The following SORCS2 variants were observed in gnomAD, a reference collection of about 807,000 sequenced individuals.
SORCS2 encodes sortilin related VPS10 domain containing receptor 2, also known as VPS10 domain-containing receptor SorCS2.
Under a neutral mutation model 141.6 loss-of-function variants are expected in SORCS2, and 100 were observed. The observed-to-expected ratio is 0.71, with a 90% CI of 0.60 to 0.83. The LOEUF (loss-of-function observed/expected upper bound fraction) is 0.83. Ranked by LOEUF, SORCS2 falls within the 40% of genes least tolerant of loss-of-function variation. The pLI is 0.00. For synonymous variants in SORCS2, 789 were observed against 676.9 expected (o/e 1.17, Z -2.57); for missense variants, 1,646 against 1,560.2 (o/e 1.05, Z -0.93).
chr4:7,332,511 G>A (rs568156384), intron 1 of SORCS2, among the ~76,000 whole-genome samples: 1 of 152,324 alleles, frequency 6.6e-6, no homozygotes, highest in South Asian at 2.1e-4. Flanking sequence ...CCGACCCACT[G>A]TGACCCCCGA....
At chr4:7,562,372 A>C (rs756484986) in intron 3 of SORCS2, among the ~76,000 whole-genome samples, 88 of 152,040 alleles carry the variant, frequency 5.8e-4, no homozygotes, top group Non-Finnish European at 1.0e-3. Flanking sequence ...GCATGGCAAG[A>C]GTGGTGGCTA....
chr4:7,390,995 T>C (rs1361841106), intron 1 of SORCS2, among the ~76,000 whole-genome samples: 1 of 152,054 alleles, frequency 6.6e-6, no homozygotes, highest in Non-Finnish European at 1.5e-5. Context: ...GCCTTGGGCG[T>C]CTATGTTCTG....
rs73080578 is a variant in SORCS2 at position 7,739,857 on chromosome 4, C to T, written c.3416-343C>T. The stretch of plus-strand genomic sequence containing the variant: ...ACTCTACGCCCTGCAGCGCCCACTG[C>T]CAGGAGGGGGCGGAGCCTCAGCCCC... On this transcript the variant is annotated intron_variant, in intron 26 of 26. Transcript: ENST00000507866. Among the ~76,000 whole-genome samples, 420 of 152,308 alleles carry T rather than the reference C, an allele frequency of 2.8e-3. 3 individuals carry two copies. Among genetic ancestry groups the T allele is most frequent in the African/African-American group, 9.7e-3 (405 of 41,566 alleles).
At chr4:7,228,201 C>G (rs1160254736) in intron 1 of SORCS2, among the ~76,000 whole-genome samples, 1 of 152,206 alleles carries the variant, frequency 6.6e-6, no homozygotes, top group Non-Finnish European at 1.5e-5. Context: ...CCGGCATCCT[C>G]GTATGTGCCT....
chr4:7,455,896 G>A (rs531290365), intron 2 of SORCS2, among the ~76,000 whole-genome samples: 103 of 152,314 alleles, frequency 6.8e-4, no homozygotes, highest in African/African-American at 2.3e-3. Flanking sequence ...CGCCGGGTTA[G>A]CATCAGATGC....
At chr4:7,224,136 T>C (rs1245968861) in intron 1 of SORCS2, among the ~76,000 whole-genome samples, 1 of 152,130 alleles carries the variant, frequency 6.6e-6, no homozygotes, top group Non-Finnish European at 1.5e-5. Flanking sequence ...AGGATGCAGA[T>C]CCAGATCCAT....
chr4:7,315,459 C>T (rs1471125801), intron 1 of SORCS2, among the ~76,000 whole-genome samples: 1 of 152,252 alleles, frequency 6.6e-6, no homozygotes, highest in Non-Finnish European at 1.5e-5. Flanking sequence ...GACTGGCTGT[C>T]TGCTCTGGGG....
Position 7,528,967 on chromosome 4 carries a change from G to A in SORCS2, c.549-2563G>A, listed in dbSNP as rs187575888. On this transcript the variant is annotated intron_variant, in intron 2 of 26. Coordinates refer to ENST00000507866, the MANE Select transcript of SORCS2 (RefSeq NM_020777.3). ...CACCTCACTTTGCCTCTGTCTGTGC[G>A]CGGCCTTCTCTGTGTCTGTGTCCCA... Among the ~76,000 whole-genome samples the A allele has an allele frequency of 7.9e-5, 12 of 152,280 alleles. No individual in the cohort carries two copies. The East Asian group carries it at 2.1e-3, about 27-fold the overall frequency.
At chr4:7,344,066 G>A (rs535944264) in intron 1 of SORCS2, among the ~76,000 whole-genome samples, 2 of 152,354 alleles carry the variant, frequency 1.3e-5, no homozygotes, top group South Asian at 4.1e-4. Context: ...AGTGAATACT[G>A]ACACGGGAGG....
At chr4:7,354,926 A>T (rs1298036902) in intron 1 of SORCS2, among the ~76,000 whole-genome samples, 1 of 152,222 alleles carries the variant, frequency 6.6e-6, no homozygotes, top group African/African-American at 2.4e-5. Context: ...TATTTCATAG[A>T]ATATTAGGTG....
chr4:7,596,670 G>A (rs1717295730), intron 3 of SORCS2, among the ~76,000 whole-genome samples: 2 of 152,194 alleles, frequency 1.3e-5, no homozygotes, highest in Admixed American at 6.5e-5. Context: ...TCGGTCAAGA[G>A]CCAGCTTCCT....
rs1265734204 is a variant in SORCS2, at chr4:7,737,106, A to G, written c.3349A>G (p.Asn1117Asp). 6.4e-7 allele frequency: 1 copy of G among 1,551,298 alleles called. No individual in the cohort carries two copies. Among genetic ancestry groups the G allele is most frequent in the African/African-American group, 1.4e-5 (1 of 73,036 alleles). The change falls in exon 26 of 27, where the codon AAC (asparagine) becomes GAC (aspartate). Residue 1117 changes from asparagine (N) to aspartate (D), a missense_variant. Physicochemically the swap from Asn to Asp is conservative, Grantham distance 23 (BLOSUM62 1). Coordinates refer to ENST00000507866, the MANE Select transcript of SORCS2 (RefSeq NM_020777.3). ...PGRTVYAQMHNEKEQEMTSPV... is the reference protein window; with the variant it reads ...PGRTVYAQMHDEKEQEMTSPV... ...CAGGACCGTGTACGCCCAAATGCAC[A>G]ACGAGAAGGAGCAGGAGATGACCAG...
chr4:7,734,191 G>C, intron 24 of SORCS2, 81 bp from the exon 25 acceptor site: 2 of 1,047,608 alleles, frequency 1.9e-6, no homozygotes, highest in Non-Finnish European at 2.8e-6. Flanking sequence ...GGGACGGGTG[G>C]GGGACAGACG....
At chr4:7,407,677 C>T (rs890123053) in intron 2 of SORCS2, among the ~76,000 whole-genome samples, 2 of 152,078 alleles carry the variant, frequency 1.3e-5, no homozygotes, top group African/African-American at 4.8e-5. Context: ...CACTTACATT[C>T]AGTACTATTA....
chr4:7,350,886 G>C (rs1444571166), intron 1 of SORCS2, among the ~76,000 whole-genome samples: 1 of 152,204 alleles, frequency 6.6e-6, no homozygotes, highest in Non-Finnish European at 1.5e-5. Context: ...CTTCGTGGCT[G>C]CTTGGGACAG....
At chr4:7,537,044 AC>A (rs576485250) in intron 3 of SORCS2, among the ~76,000 whole-genome samples, 74 of 152,242 alleles carry the variant, frequency 4.9e-4, no homozygotes, top group Non-Finnish European at 8.8e-4. Flanking sequence ...CTCCTGAGGC[AC>A]CCTTGCAGCT....
intron 3 of SORCS2, among the ~76,000 whole-genome samples, chr4:7,614,759 ACACCCATT>A (rs766592781): frequency 1.3e-5 from 2 of 149,074 alleles, no homozygotes; most frequent in Non-Finnish European, 1.5e-5. Context: ...ATCCAACCAT[ACACCCATT>A]CACCATCATT....
At chr4:7,514,471 A>T (rs927616208) in intron 2 of SORCS2, among the ~76,000 whole-genome samples, 1 of 147,932 alleles carries the variant, frequency 6.8e-6, no homozygotes, top group Non-Finnish European at 1.5e-5. Context: ...GCCTGTTGTC[A>T]GGTAGCGATA....
intron 26 of SORCS2, 139 bp downstream of exon 26, chr4:7,737,311 G>T: frequency 7.9e-7 from 1 of 1,269,656 alleles, no homozygotes; most frequent in South Asian, 1.5e-5. Context: ...TTGCCAGCGG[G>T]TCGGTCGGGC....
Sources: gnomAD v4.1 joint callset for allele counts (sites outside exome capture counted in the v4.1 genomes callset) on GRCh38, gnomAD v4.1.1 for gene constraint, MANE v1.5 for transcripts, NCBI Gene and HGNC (gene_info 2026-07-23, HGNC 2026-07-21) for gene names.